Variants in SLCO1B3 observed in about 807,000 individuals in gnomAD.
SLCO1B3 encodes liver-specific organic anion transporter 2.
In SLCO1B3, 72 loss-of-function variants were observed where a neutral mutation model predicts 71.8. That is an observed-to-expected ratio of 1.00 (90% CI 0.83 to 1.22). The LOEUF is 1.22. SLCO1B3 is among the 50% of genes most tolerant of loss of function. The pLI, the probability that SLCO1B3 is intolerant of heterozygous loss-of-function variation, is 0.00. For missense variants in SLCO1B3, 911 were observed against 819.7 expected, an observed-to-expected ratio of 1.11 and a Z score of -1.36; for synonymous variants, 298 against 278.4, an observed-to-expected ratio of 1.07 and a Z score of -0.70.
At chr12:20,814,751 C>A (rs142364021) in intron 2 of SLCO1B3, among the ~76,000 whole-genome samples, 1 of 151,892 alleles carries the variant, frequency 6.6e-6, no homozygotes, top group African/African-American at 2.4e-5. Flanking sequence ...ATTAGCCGGG[C>A]GTTGTGGCAC....
chr12:20,856,255 T>A (rs1865133777), intron 4 of SLCO1B3, among the ~76,000 whole-genome samples: 1 of 152,226 alleles, frequency 6.6e-6, no homozygotes, highest in African/African-American at 2.4e-5. Flanking sequence ...CAGTTTGGTT[T>A]CTTACCTCTA....
intron 3 of SLCO1B3, among the ~76,000 whole-genome samples, chr12:20,830,465 G>A (rs1864516956): frequency 6.6e-6 from 1 of 152,204 alleles, no homozygotes; most frequent in South Asian, 2.1e-4. Context: ...TGAGCAGGTA[G>A]GTAAATAGTC....
At chr12:20,839,319 C>G (rs925638244) in intron 3 of SLCO1B3, among the ~76,000 whole-genome samples, 5 of 152,152 alleles carry the variant, frequency 3.3e-5, no homozygotes, top group African/African-American at 1.2e-4. Context: ...CTCTAAAAAA[C>G]TGCTCTTAAC....
Position 20,811,904 on chromosome 12 carries a change from CAT to C in SLCO1B3, c.-181+1141_-181+1142del, listed in dbSNP as rs1491432188. 1.5e-4 allele frequency among the ~76,000 whole-genome samples: 14 copies of C among 94,722 alleles called. No homozygotes were observed. The South Asian group carries it at 4.9e-3, about 33-fold the overall frequency. The allele number at this position is 94,722 out of a possible 152,430, so 62.1% of individuals were successfully genotyped here. On this transcript the variant is annotated intron_variant, in intron 1 of 15. Transcript: ENST00000381545. ...GTAGGTACTTTGTACTTACTTGATA[CAT>C]TTTTTTTTTTTTTTTTTTGAGAAGG...
At chr12:20,870,819 A>G (rs951044582) in intron 8 of SLCO1B3, among the ~76,000 whole-genome samples, 2 of 152,186 alleles carry the variant, frequency 1.3e-5, no homozygotes, top group African/African-American at 2.4e-5. Context: ...TTGGTTTCAT[A>G]TGAATTTGAA....
chr12:20,881,117 A>G, intron 12 of SLCO1B3, 97 bp downstream of exon 12: 1 of 873,106 alleles, frequency 1.1e-6, no homozygotes, highest in Admixed American at 2.7e-5. Flanking sequence ...TAAGGTCTCC[A>G]ATAAAAAGAT....
At chr12:20,910,885 T>G (rs1205824337) in intron 15 of SLCO1B3, among the ~76,000 whole-genome samples, 1 of 152,118 alleles carries the variant, frequency 6.6e-6, no homozygotes, top group African/African-American at 2.4e-5. Flanking sequence ...TACATATACA[T>G]ATGCAAACAA....
chr12:20,851,344 T>A (rs1865022674), intron 3 of SLCO1B3, among the ~76,000 whole-genome samples: 1 of 152,202 alleles, frequency 6.6e-6, no homozygotes, highest in South Asian at 2.1e-4. Context: ...TGTTTTTCTT[T>A]GAATAGTGAG....
At chr12:20,910,772 A>G (rs1866357071) in intron 15 of SLCO1B3, among the ~76,000 whole-genome samples, 1 of 152,148 alleles carries the variant, frequency 6.6e-6, no homozygotes. Flanking sequence ...TTGCTGATTT[A>G]TAGGAAAACT....
intron 3 of SLCO1B3, among the ~76,000 whole-genome samples, chr12:20,854,368 C>G (rs139647837): frequency 1.5e-4 from 23 of 152,112 alleles, no homozygotes; most frequent in African/African-American, 5.3e-4. Context: ...TTTCATATAT[C>G]TCATTGCTTT....
chr12:20,905,801 C>G (rs1162169247), intron 15 of SLCO1B3, among the ~76,000 whole-genome samples: 1 of 152,046 alleles, frequency 6.6e-6, no homozygotes, highest in Non-Finnish European at 1.5e-5. Flanking sequence ...CTGTCTCCTT[C>G]TGAGCACTCC....
chr12:20,834,937 A>G (rs1864644193), intron 3 of SLCO1B3, among the ~76,000 whole-genome samples: 1 of 152,136 alleles, frequency 6.6e-6, no homozygotes, highest in Non-Finnish European at 1.5e-5. Context: ...AAATTTCTCC[A>G]TGAGGGCTTC....
intron 1 of SLCO1B3, among the ~76,000 whole-genome samples, chr12:20,812,257 T>C (rs1031892242): frequency 5.9e-5 from 9 of 152,080 alleles, no homozygotes; most frequent in Non-Finnish European, 8.8e-5. Flanking sequence ...AGTGCCCACA[T>C]TTCTTATTTT....
chr12:20,839,223 C>G (rs929505496), intron 3 of SLCO1B3, among the ~76,000 whole-genome samples: 2 of 151,630 alleles, frequency 1.3e-5, no homozygotes, highest in Non-Finnish European at 2.9e-5. Context: ...TTAAAAAAAA[C>G]TTTTTAATTT....
intron 3 of SLCO1B3, among the ~76,000 whole-genome samples, chr12:20,825,217 C>A (rs1271157971): frequency 1.3e-5 from 2 of 152,078 alleles, no homozygotes; most frequent in Non-Finnish European, 2.9e-5. Context: ...TGATGCTGGT[C>A]TTTCATCAAA....
chr12:20,882,729 T>G (rs534801166), intron 12 of SLCO1B3, among the ~76,000 whole-genome samples: 38 of 152,258 alleles, frequency 2.5e-4, no homozygotes, highest in African/African-American at 9.1e-4. Context: ...TCTCCTTCAG[T>G]AAATAGTCTT....
intron 13 of SLCO1B3, among the ~76,000 whole-genome samples, chr12:20,886,823 T>C (rs1436758129): frequency 3.3e-5 from 5 of 151,992 alleles, no homozygotes; most frequent in Admixed American, 3.3e-4. Context: ...ACCCGAATCG[T>C]GTACTTTATA....
chr12:20,885,424 A>T (rs1250672663), intron 13 of SLCO1B3, among the ~76,000 whole-genome samples: 1 of 152,114 alleles, frequency 6.6e-6, no homozygotes, highest in Non-Finnish European at 1.5e-5. Flanking sequence ...TCCAGTGGGG[A>T]TAGGGTACAG....
rs540571686 is a variant in SLCO1B3, at chr12:20,854,693, A to C, written c.85-335A>C. 3.1e-3 allele frequency among the ~76,000 whole-genome samples: 474 copies of C among 152,344 alleles called. 1 individual carries two copies. The highest frequency in any genetic ancestry group is 0.017 in the Middle Eastern group (5 of 294). ...CTCCCAGTTAGCCAGGGCTATTCAC[A>C]TGGAAATAAAGAAAATAGCTCACCA... On this transcript the variant is annotated intron_variant, in intron 3 of 15. Coordinates refer to ENST00000381545, the MANE Select transcript of SLCO1B3 (RefSeq NM_019844.4).
Sources: allele counts gnomAD v4.1 joint callset (sites outside exome capture counted in the v4.1 genomes callset), GRCh38; gene constraint gnomAD v4.1.1; transcripts MANE v1.5; gene names NCBI Gene and HGNC (gene_info 2026-07-23, HGNC 2026-07-21).